DLGAP1: variants seen among roughly 807,000 people sequenced by gnomAD.
DLGAP1 encodes the protein DLG associated protein 1.
DLGAP1 carries 11 observed loss-of-function variants against 90.8 expected under a neutral mutation model. The observed-to-expected ratio is 0.12, with a 90% confidence interval of 0.08 to 0.20. The LOEUF (loss-of-function observed/expected upper bound fraction) is 0.20. DLGAP1 is among the 10% of genes least tolerant of loss of function. The pLI is 1.00. For missense variants in DLGAP1, 1,050 were observed against 1,333.8 expected, an observed-to-expected ratio of 0.79 and a Z score of 3.31; for synonymous variants, 558 against 540.7, an observed-to-expected ratio of 1.03 and a Z score of -0.44.
At chr18:4,203,263 A>AT (rs2077646136) in intron 1 of DLGAP1, among the ~76,000 whole-genome samples, 1 of 144,478 alleles carries the variant, frequency 6.9e-6, no homozygotes, top group Non-Finnish European at 1.5e-5. Flanking sequence ...CAACAGAGAG[A>AT]TTAAAAAAAA....
intron 2 of DLGAP1, among the ~76,000 whole-genome samples, chr18:4,114,516 C>G (rs967179485): frequency 1.1e-4 from 17 of 152,056 alleles, no homozygotes; most frequent in African/African-American, 4.1e-4. Flanking sequence ...TTGATGAAGT[C>G]TTTAGAGTTT....
chr18:3,992,668 C>A (rs1486290398), intron 3 of DLGAP1, among the ~76,000 whole-genome samples: 1 of 152,056 alleles, frequency 6.6e-6, no homozygotes, highest in Non-Finnish European at 1.5e-5. Flanking sequence ...CAGAGCCAGA[C>A]CCTGTCTCTA....
chr18:3,810,047 C>T (rs570978840), intron 5 of DLGAP1, among the ~76,000 whole-genome samples: 36 of 152,078 alleles, frequency 2.4e-4, no homozygotes, highest in Non-Finnish European at 4.4e-4. Context: ...TTGGGTGATA[C>T]GCCATTTCAA....
chr18:3,786,361 T>G (rs549469023), intron 5 of DLGAP1, among the ~76,000 whole-genome samples: 12 of 152,316 alleles, frequency 7.9e-5, no homozygotes, highest in African/African-American at 2.9e-4. Context: ...TAGGCCCCTA[T>G]GTAGTACTAG....
intron 3 of DLGAP1, chr18:3,983,610 A>G (rs1338419782): frequency 6.6e-6 from 1 of 152,228 alleles, no homozygotes; most frequent in Non-Finnish European, 1.5e-5. Flanking sequence ...GCAAGATTAA[A>G]CCTGTAAAAG....
chr18:4,030,819 G>A (rs1174440117), intron 2 of DLGAP1, among the ~76,000 whole-genome samples: 2 of 152,208 alleles, frequency 1.3e-5, no homozygotes, highest in Non-Finnish European at 2.9e-5. Context: ...CTACTCAGGA[G>A]GCTGAGGTGG....
intron 1 of DLGAP1, among the ~76,000 whole-genome samples, chr18:4,262,067 C>T (rs865777270): frequency 6.6e-6 from 1 of 152,088 alleles, no homozygotes; most frequent in South Asian, 2.1e-4. Context: ...TCTTCCAATC[C>T]TAACATTCTA....
chr18:4,210,342 T>C (rs1395126645), intron 1 of DLGAP1, among the ~76,000 whole-genome samples: 1 of 152,130 alleles, frequency 6.6e-6, no homozygotes, highest in Non-Finnish European at 1.5e-5. Flanking sequence ...TAATCAGAAA[T>C]ATTAAGTTCT....
intron 1 of DLGAP1, among the ~76,000 whole-genome samples, chr18:4,172,042 C>T (rs371180996): frequency 1.3e-5 from 2 of 152,206 alleles, no homozygotes; most frequent in Middle Eastern, 3.4e-3. Context: ...TGAGTTTTTT[C>T]CTTCCTTTTC....
chr18:4,091,228 A>G (rs1257777856), intron 2 of DLGAP1, among the ~76,000 whole-genome samples: 2 of 152,206 alleles, frequency 1.3e-5, no homozygotes, highest in Non-Finnish European at 2.9e-5. Context: ...TGTTCTGCAC[A>G]TGTATCCCAG....
At chr18:3,814,419 T>A in intron 4 of DLGAP1, 146 bp from the exon 5 acceptor site, 1 of 759,488 alleles carries the variant, frequency 1.3e-6, no homozygotes, top group Non-Finnish European at 2.0e-6. Context: ...TGGAGTGCAG[T>A]GGTGCAATCT....
rs145691437 is a variant in DLGAP1, at chr18:3,879,217, G to A, written c.852C>T (p.Thr284=). The change falls in exon 4 of 13, where the codon ACC becomes ACT. Residue 284 remains threonine (T), a synonymous_variant. Transcript: ENST00000315677. The surrounding 1 kb of genome is among the most constrained non-coding windows in gnomAD (Gnocchi z 6.6). ...GGTAAACCTCCCGGGCCCGGCTCAC[G>A]GTGAGCGTGGAGGACCAGGCGCTCT... ...LKKSAWSSTL[T]VSRAREVYQK... 5.1e-6 allele frequency: 8 copies of A among 1,574,510 alleles called. No individual in the cohort carries two copies. The highest frequency in any genetic ancestry group is 4.5e-5 in the East Asian group (2 of 44,424).
rs892944659 is a variant in DLGAP1, at chr18:3,838,983, T to C, written c.958-24710A>G. On this transcript the variant is annotated intron_variant, in intron 4 of 12. Coordinates refer to ENST00000315677, the MANE Select transcript of DLGAP1 (RefSeq NM_004746.4). The stretch of plus-strand genomic sequence containing the variant: ...TAGATCTGGGAGTGAAGAAAACTTG[T>C]TCCTAAATTTTATCTTAGATATTGA... 3.9e-5 allele frequency among the ~76,000 whole-genome samples: 6 copies of C among 152,228 alleles called. No individual in the cohort carries two copies. In the East Asian group the frequency reaches 5.8e-4, roughly 15 times the overall value.
At chr18:4,140,924 T>C (rs2076485230) in intron 2 of DLGAP1, among the ~76,000 whole-genome samples, 1 of 151,964 alleles carries the variant, frequency 6.6e-6, no homozygotes, top group South Asian at 2.1e-4. Context: ...ATCCATTGCA[T>C]GTTATTTGTT....
intron 7 of DLGAP1, among the ~76,000 whole-genome samples, chr18:3,701,072 G>A (rs902924051): frequency 6.6e-6 from 1 of 152,086 alleles, no homozygotes; most frequent in African/African-American, 2.4e-5. Context: ...GTTGAGGTGG[G>A]GTTGTGCTAT....
chr18:4,389,894 T>C (rs2082307051), intron 1 of DLGAP1, among the ~76,000 whole-genome samples: 1 of 152,326 alleles, frequency 6.6e-6, no homozygotes, highest in Non-Finnish European at 1.5e-5. Context: ...TACTGGTGAA[T>C]AGTCTTCATT....
chr18:3,969,621 A>G (rs1416672241), intron 3 of DLGAP1, among the ~76,000 whole-genome samples: 1 of 152,156 alleles, frequency 6.6e-6, no homozygotes, highest in Non-Finnish European at 1.5e-5. Context: ...CAGTTTCACG[A>G]TTTCGGTCTA....
intron 1 of DLGAP1, among the ~76,000 whole-genome samples, chr18:4,381,056 T>C (rs1161071437): frequency 2.6e-5 from 4 of 152,208 alleles, no homozygotes; most frequent in Non-Finnish European, 5.9e-5. Flanking sequence ...CCAACTGGCT[T>C]ATCATACATA....
intron 1 of DLGAP1, among the ~76,000 whole-genome samples, chr18:4,359,724 A>G (rs2081592781): frequency 6.6e-6 from 1 of 152,194 alleles, no homozygotes; most frequent in South Asian, 2.1e-4. Context: ...GCCTTGGACT[A>G]GGATTGATAA....
Sources: allele counts gnomAD v4.1 joint callset (sites outside exome capture counted in the v4.1 genomes callset), GRCh38; gene constraint gnomAD v4.1.1; non-coding constraint Gnocchi (gnomAD v3.1); transcripts MANE v1.5; gene names NCBI Gene and HGNC (gene_info 2026-07-23, HGNC 2026-07-21).